FOXP2: variants seen among roughly 807,000 people sequenced by gnomAD.
The protein encoded by FOXP2 is forkhead box protein P2.
In FOXP2, 12 loss-of-function variants were observed where a neutral mutation model predicts 115.8. The ratio of observed to expected loss-of-function variants is 0.10; its 90% CI spans 0.07 to 0.17. The LOEUF (loss-of-function observed/expected upper bound fraction) is 0.17, where lower values mean the gene tolerates loss of function less well. FOXP2 is among the 10% of genes least tolerant of loss of function. FOXP2 has a pLI of 1.00. For synonymous variants in FOXP2, 328 were observed against 297.7 expected (o/e 1.10, Z -1.05); for missense variants, 629 against 843.5 (o/e 0.75, Z 3.15).
intron 11 of FOXP2, among the ~76,000 whole-genome samples, chr7:114,658,732 T>G (rs1263540667): frequency 6.6e-6 from 1 of 152,212 alleles, no homozygotes; most frequent in Non-Finnish European, 1.5e-5. Context: ...GATATGGCAC[T>G]TTGCTTAAGA....
At chr7:114,448,269 A>G (rs1055085308) in intron 2 of FOXP2, among the ~76,000 whole-genome samples, 1 of 152,174 alleles carries the variant, frequency 6.6e-6, no homozygotes, top group Non-Finnish European at 1.5e-5. Context: ...ACTGATATTA[A>G]TAAAATCCAA....
chr7:114,601,157 G>C (rs948077598), intron 3 of FOXP2, among the ~76,000 whole-genome samples: 1 of 151,958 alleles, frequency 6.6e-6, no homozygotes, highest in Admixed American at 6.6e-5. Context: ...GTAGAGACAG[G>C]GTTTCGCCAT....
At chr7:114,251,032 AG>A (rs1356148555) in intron 1 of FOXP2, among the ~76,000 whole-genome samples, 1 of 152,240 alleles carries the variant, frequency 6.6e-6, no homozygotes, top group Non-Finnish European at 1.5e-5. Context: ...CAGTTTTCCC[AG>A]CACCATTTAT....
intron 1 of FOXP2, among the ~76,000 whole-genome samples, chr7:114,245,711 TGAAA>T (rs1055913561): frequency 3.9e-5 from 6 of 152,216 alleles, no homozygotes; most frequent in African/African-American, 1.2e-4. Flanking sequence ...GTTTTGTAAC[TGAAA>T]GACTTTTTTT....
At chr7:114,162,394 T>TA (rs1258060733), upstream of FOXP2, among the ~76,000 whole-genome samples, 6 of 151,966 alleles carry the variant, frequency 3.9e-5, no homozygotes, top group South Asian at 2.1e-4. Context: ...TTTGTACCAT[T>TA]AAAAAAAATC....
chr7:114,162,412 A>C (rs1035054940), upstream of FOXP2, among the ~76,000 whole-genome samples: 1 of 152,102 alleles, frequency 6.6e-6, no homozygotes, highest in African/African-American at 2.4e-5. Context: ...ATCTCATTCC[A>C]GATTTCTTGC....
intron 3 of FOXP2, among the ~76,000 whole-genome samples, chr7:114,558,974 T>G (rs575843223): frequency 3.9e-5 from 6 of 152,264 alleles, no homozygotes; most frequent in African/African-American, 1.4e-4. Context: ...AAATAATTAT[T>G]ATATATGTTA....
In FOXP2 at chr7:114,655,625, T is replaced by G. The variant is rs72603567; in HGVS notation, c.1266+1616T>G. ...AAAAAACCCTAAAATTTATACACTGTACAAAAGAAGCTTCAAAATTGATAT... is the reference window on the plus strand; with the variant it reads ...AAAAAACCCTAAAATTTATACACTGGACAAAAGAAGCTTCAAAATTGATAT... On this transcript the variant is annotated intron_variant, in intron 10 of 16. Transcript: ENST00000350908. 0.029 allele frequency among the ~76,000 whole-genome samples: 4,413 copies of G among 152,186 alleles called. 429 individuals are homozygous for G. In the East Asian group the frequency reaches 0.35, roughly 12 times the overall value.
intron 2 of FOXP2, among the ~76,000 whole-genome samples, chr7:114,378,702 G>GA (rs1792203196): frequency 6.2e-5 from 1 of 16,108 alleles, no homozygotes; most frequent in African/African-American, 1.8e-4. Flanking sequence ...AAAAAAAAAA[G>GA]GAAAAGAAAA....
chr7:114,532,267 G>C (rs573319819), intron 2 of FOXP2, among the ~76,000 whole-genome samples: 2 of 151,862 alleles, frequency 1.3e-5, no homozygotes, highest in Non-Finnish European at 2.9e-5. Context: ...CATTAAAACA[G>C]TATATATTGT....
At chr7:114,186,728 C>CT (rs1197615209) in intron 1 of FOXP2, among the ~76,000 whole-genome samples, 1 of 152,150 alleles carries the variant, frequency 6.6e-6, no homozygotes, top group Non-Finnish European at 1.5e-5. Context: ...TCTGAGGCAT[C>CT]TTTTAATATC....
At chr7:114,563,786 A>G (rs910298469) in intron 3 of FOXP2, among the ~76,000 whole-genome samples, 2 of 152,226 alleles carry the variant, frequency 1.3e-5, no homozygotes, top group African/African-American at 2.4e-5. Flanking sequence ...TTCCAAATGA[A>G]CCAAATTCTC....
chr7:114,570,859 G>A, intron 3 of FOXP2: 1 of 1,611,872 alleles, frequency 6.2e-7, no homozygotes, highest in Non-Finnish European at 8.5e-7. Context: ...TCTGGTGATG[G>A]GCATCCTCAC....
intron 3 of FOXP2, among the ~76,000 whole-genome samples, chr7:114,598,494 G>C (rs1320849450): frequency 2.0e-5 from 3 of 151,934 alleles, no homozygotes; most frequent in Non-Finnish European, 4.4e-5. Flanking sequence ...TCTAATGGTG[G>C]GCTGCAGGTT....
At chr7:114,329,660 ATTTATTTATTTATTT>A (rs1369699745) in intron 2 of FOXP2, among the ~76,000 whole-genome samples, 1 of 28,368 alleles carries the variant, frequency 3.5e-5, no homozygotes, top group Admixed American at 5.6e-4. Flanking sequence ...TTATTTATTT[ATTTATTTATTTATTT>A]ATTTATTTAT....
intron 2 of FOXP2, among the ~76,000 whole-genome samples, chr7:114,291,887 TATATATTATAGATAATATATAGA>T (rs1201625223): frequency 1.8e-4 from 25 of 141,974 alleles, no homozygotes; most frequent in African/African-American, 6.5e-4. Flanking sequence ...ATATATAGAA[TATATATTATAGATAATATATAGA>T]ATATATATTA....
intron 3 of FOXP2, among the ~76,000 whole-genome samples, chr7:114,562,818 C>T (rs1028624815): frequency 1.3e-5 from 2 of 151,860 alleles, no homozygotes; most frequent in Middle Eastern, 3.2e-3. Flanking sequence ...GAATTGTTTA[C>T]ACTTATCTTC....
intron 2 of FOXP2, among the ~76,000 whole-genome samples, chr7:114,437,757 T>C (rs1347324656): frequency 6.6e-6 from 1 of 152,190 alleles, no homozygotes; most frequent in Non-Finnish European, 1.5e-5. Flanking sequence ...TCTCATTTCA[T>C]GTCCTTGTAG....
chr7:114,277,137 G>A (rs923420649), intron 1 of FOXP2, among the ~76,000 whole-genome samples: 1 of 152,184 alleles, frequency 6.6e-6, no homozygotes, highest in Admixed American at 6.5e-5. Context: ...GAAAGTTCTT[G>A]TAAGAAGGAC....
Sources: gnomAD v4.1 joint callset for allele counts (sites outside exome capture counted in the v4.1 genomes callset) on GRCh38, gnomAD v4.1.1 for gene constraint, MANE v1.5 for transcripts, NCBI Gene and HGNC (gene_info 2026-07-23, HGNC 2026-07-21) for gene names.